Variants in AGBL1 observed in about 807,000 individuals in gnomAD.
AGBL1 encodes cytosolic carboxypeptidase 4.
Under a neutral mutation model 118.9 loss-of-function variants are expected in AGBL1, and 130 were observed. The observed-to-expected ratio is 1.09, with a 90% CI of 0.95 to 1.26. The LOEUF (loss-of-function observed/expected upper bound fraction) is 1.26, where lower values mean the gene tolerates loss of function less well. AGBL1 is among the 50% of genes most tolerant of loss of function. AGBL1 has a pLI of 0.00. For synonymous variants in AGBL1, 555 were observed against 478.9 expected (o/e 1.16, Z -2.08); for missense variants, 1,584 against 1,298.1 (o/e 1.22, Z -3.38).
chr15:86,680,433 C>T (rs929553822), intron 22 of AGBL1, among the ~76,000 whole-genome samples: 2 of 152,054 alleles, frequency 1.3e-5, no homozygotes, highest in Admixed American at 6.6e-5. Flanking sequence ...TTATGGGTAA[C>T]ACATTAAAAC....
chr15:86,452,814 G>A (rs1329538165), intron 18 of AGBL1, among the ~76,000 whole-genome samples: 3 of 152,056 alleles, frequency 2.0e-5, no homozygotes, highest in African/African-American at 7.3e-5. Flanking sequence ...CTCTTTCTGT[G>A]ACACTGCAGT....
chr15:86,335,818 A>C (rs2080358920), intron 17 of AGBL1, among the ~76,000 whole-genome samples: 1 of 152,236 alleles, frequency 6.6e-6, no homozygotes. Context: ...AGGGGAGATC[A>C]CAGCACTTAA....
At chr15:86,607,251 A>G (rs1481183352) in intron 21 of AGBL1, among the ~76,000 whole-genome samples, 2 of 152,190 alleles carry the variant, frequency 1.3e-5, no homozygotes, top group African/African-American at 4.8e-5. Flanking sequence ...TTTAGCTATC[A>G]TGAATCAGGT....
intron 22 of AGBL1, among the ~76,000 whole-genome samples, chr15:86,813,490 T>A (rs1490009642): frequency 6.6e-6 from 1 of 152,170 alleles, no homozygotes; most frequent in East Asian, 1.9e-4. Context: ...GAGCATTCTT[T>A]TCCTGTCTTC....
At chr15:87,013,697 A>G (rs1190317178) in intron 24 of AGBL1, among the ~76,000 whole-genome samples, 3 of 152,188 alleles carry the variant, frequency 2.0e-5, no homozygotes, top group Non-Finnish European at 4.4e-5. Context: ...GCTGTCTTCT[A>G]GAAGACTTAC....
chr15:86,487,542 G>T (rs2082728929), intron 18 of AGBL1, among the ~76,000 whole-genome samples: 3 of 148,308 alleles, frequency 2.0e-5, no homozygotes, highest in African/African-American at 7.6e-5. Context: ...AATGAAACGA[G>T]CTAAAAATTT....
chr15:86,520,999 T>G (rs1168346186), intron 18 of AGBL1, among the ~76,000 whole-genome samples: 1 of 152,172 alleles, frequency 6.6e-6, no homozygotes, highest in East Asian at 1.9e-4. Flanking sequence ...TCATTGCTAT[T>G]AAAAACAGAA....
chr15:86,878,403 T>C (rs1320504288), intron 22 of AGBL1, among the ~76,000 whole-genome samples: 1 of 152,170 alleles, frequency 6.6e-6, no homozygotes, highest in Non-Finnish European at 1.5e-5. Flanking sequence ...GCCAGATTTA[T>C]GTTGCAGAAT....
upstream of AGBL1, chr15:86,079,822 A>T (rs541592101): frequency 1.6e-5 from 7 of 447,636 alleles, no homozygotes; most frequent in East Asian, 2.5e-4. Context: ...CTAGGGTTGC[A>T]CCGCGCTGAC....
chr15:86,840,156 T>G (rs2079224715), intron 22 of AGBL1, among the ~76,000 whole-genome samples: 1 of 152,204 alleles, frequency 6.6e-6, no homozygotes, highest in African/African-American at 2.4e-5. Flanking sequence ...CTAAATTCCT[T>G]GGGTTCATCA....
At chr15:86,970,032 G>C (rs1346668481) in intron 23 of AGBL1, among the ~76,000 whole-genome samples, 1 of 151,824 alleles carries the variant, frequency 6.6e-6, no homozygotes, top group African/African-American at 2.4e-5. Flanking sequence ...GGGAAGAGTT[G>C]TATCCAGAAT....
intron 5 of AGBL1, among the ~76,000 whole-genome samples, chr15:86,206,996 A>T (rs1382996925): frequency 1.3e-5 from 2 of 152,218 alleles, no homozygotes; most frequent in Non-Finnish European, 2.9e-5. Flanking sequence ...TATAAGATAT[A>T]GGGAAGGGAT....
At chr15:86,397,284 A>C in intron 17 of AGBL1, 82 bp from the exon 18 acceptor site, 1 of 1,032,298 alleles carries the variant, frequency 9.7e-7, no homozygotes, top group Non-Finnish European at 1.3e-6. Flanking sequence ...GTATCAAAGA[A>C]GCAAAAAAGA....
At chr15:87,007,802 A>T (rs1596734731) in intron 24 of AGBL1, among the ~76,000 whole-genome samples, 1 of 152,290 alleles carries the variant, frequency 6.6e-6, no homozygotes, top group East Asian at 1.9e-4. Flanking sequence ...TGGGCCTCAG[A>T]TTTCTCATCT....
At chr15:86,523,433 G>A (rs2083216742) in intron 19 of AGBL1, among the ~76,000 whole-genome samples, 1 of 152,076 alleles carries the variant, frequency 6.6e-6, no homozygotes, top group Non-Finnish European at 1.5e-5. Flanking sequence ...TATCATACCT[G>A]CAAAGACCCT....
chr15:86,545,920 C>A, intron 19 of AGBL1, 82 bp from the exon 20 acceptor site: 1 of 1,493,770 alleles, frequency 6.7e-7, no homozygotes. Context: ...AGCCATGGAA[C>A]ATGAGTAGAT....
At chr15:86,330,306 C>T (rs1437928200) in intron 17 of AGBL1, among the ~76,000 whole-genome samples, 1 of 152,192 alleles carries the variant, frequency 6.6e-6, no homozygotes, top group East Asian at 1.9e-4. Context: ...GGTGAAACTG[C>T]ATGGCCCAAT....
intron 7 of AGBL1, among the ~76,000 whole-genome samples, chr15:86,248,294 G>A (rs572894660): frequency 6.6e-6 from 1 of 152,322 alleles, no homozygotes; most frequent in East Asian, 1.9e-4. Flanking sequence ...TCCAGCCTAG[G>A]TGACAGAGTG....
chr15:86,651,005 T>G (rs1247798161), intron 21 of AGBL1, among the ~76,000 whole-genome samples: 1 of 152,218 alleles, frequency 6.6e-6, no homozygotes, highest in Non-Finnish European at 1.5e-5. Context: ...TCAAATTGGC[T>G]TTCATCTGAG....
Sources: gnomAD v4.1 joint callset for allele counts (sites outside exome capture counted in the v4.1 genomes callset) on GRCh38, gnomAD v4.1.1 for gene constraint, MANE v1.5 for transcripts, NCBI Gene and HGNC (gene_info 2026-07-23, HGNC 2026-07-21) for gene names.